NEBL: variants seen among roughly 807,000 people sequenced by gnomAD.
NEBL encodes nebulette, also known as LIM and SH3 protein 2.
A neutral mutation model predicts 140.2 loss-of-function variants in NEBL; 122 were observed. That is an observed-to-expected ratio of 0.87 (90% CI 0.75 to 1.01). The LOEUF is 1.01. Ranked by LOEUF, NEBL falls within the 50% of genes least tolerant of loss-of-function variation. The probability of loss-of-function intolerance (pLI) is 0.00; values close to 1 mark genes in which losing one functional copy is unlikely to be tolerated. For missense variants in NEBL, 1,365 were observed against 1,231.3 expected (o/e 1.11, Z -1.62); for synonymous variants, 436 against 398.9 (o/e 1.09, Z -1.11).
chr10:20,846,829 G>T (rs544608748), intron 11 of NEBL, among the ~76,000 whole-genome samples: 191 of 151,924 alleles, frequency 1.3e-3, no homozygotes, highest in African/African-American at 4.4e-3. Context: ...ACGACTAGAA[G>T]TAGCCAAAAT....
chr10:21,081,338 C>T (rs1412163209), intron 2 of NEBL, among the ~76,000 whole-genome samples: 2 of 152,078 alleles, frequency 1.3e-5, no homozygotes, highest in East Asian at 3.9e-4. Context: ...TCATGGGAAG[C>T]AGGGGAAAGG....
chr10:20,826,577 T>C (rs1839896293), intron 17 of NEBL, 38 bp from the exon 18 acceptor site: 1 of 1,498,292 alleles, frequency 6.7e-7, no homozygotes, highest in Non-Finnish European at 9.3e-7. Context: ...ACTAAGCTTG[T>C]CAGAATTCAA....
At chr10:21,036,472 A>T (rs1355345383) in intron 2 of NEBL, among the ~76,000 whole-genome samples, 1 of 152,168 alleles carries the variant, frequency 6.6e-6, no homozygotes, top group Non-Finnish European at 1.5e-5. Flanking sequence ...AACTTTAAAA[A>T]ATAAAGAATA....
chr10:20,812,947 A>C lies in NEBL; in HGVS notation c.2347-7T>G. 1 of 1,612,772 alleles carries C rather than the reference A, an allele frequency of 6.2e-7. No homozygotes were observed. Among genetic ancestry groups the C allele is most frequent in the East Asian group, 2.2e-5 (1 of 44,796 alleles). On this transcript the variant is annotated splice_polypyrimidine_tract_variant and splice_region_variant and intron_variant, in intron 23 of 27. Coordinates refer to ENST00000377122, the MANE Select transcript of NEBL (RefSeq NM_006393.3). ...AATCTTCATGGTATTTTACCTGAAA[A>C]AGGAAAAATCATCATACTGAATTTT...
At chr10:21,049,148 T>C (rs1048067721) in intron 2 of NEBL, among the ~76,000 whole-genome samples, 3 of 152,232 alleles carry the variant, frequency 2.0e-5, no homozygotes, top group Non-Finnish European at 2.9e-5. Context: ...GTACTAAAAG[T>C]GTACTGATTA....
At chr10:20,884,912 T>G (rs1846354111) in intron 4 of NEBL, among the ~76,000 whole-genome samples, 1 of 152,250 alleles carries the variant, frequency 6.6e-6, no homozygotes, top group Non-Finnish European at 1.5e-5. Flanking sequence ...TAACAGGGGA[T>G]AGCTAATAAA....
At chr10:20,816,276 A>G (rs1838713072) in intron 21 of NEBL, among the ~76,000 whole-genome samples, 1 of 152,216 alleles carries the variant, frequency 6.6e-6, no homozygotes, top group Non-Finnish European at 1.5e-5. Context: ...ATATTTAACC[A>G]CAAAAGGAAA....
chr10:21,137,626 C>T (rs1839416025), intron 2 of NEBL, among the ~76,000 whole-genome samples: 1 of 152,048 alleles, frequency 6.6e-6, no homozygotes, highest in South Asian at 2.1e-4. Context: ...GGTGGCACAA[C>T]CTAAGCTAAG....
chr10:21,285,228 T>C (rs1312050899), intron 1 of NEBL, among the ~76,000 whole-genome samples: 1 of 152,150 alleles, frequency 6.6e-6, no homozygotes, highest in Non-Finnish European at 1.5e-5. Flanking sequence ...TTGTAAGGCT[T>C]GTGAAAGAAA....
chr10:20,915,668 G>A (rs1389328501), intron 4 of NEBL, among the ~76,000 whole-genome samples: 2 of 151,770 alleles, frequency 1.3e-5, no homozygotes, highest in Non-Finnish European at 2.9e-5. Flanking sequence ...TTGGACATTT[G>A]GGTTGGTTCC....
intron 2 of NEBL, chr10:21,113,044 G>A: frequency 4.7e-6 from 1 of 214,866 alleles, no homozygotes; most frequent in Non-Finnish European, 9.0e-6. Flanking sequence ...AGGAGAGGGA[G>A]GGGGAGCAGG....
At chr10:20,840,705 A>G (rs1841331409) in intron 13 of NEBL, 34 bp downstream of exon 13, 1 of 1,375,502 alleles carries the variant, frequency 7.3e-7, no homozygotes, top group Non-Finnish European at 1.0e-6. Flanking sequence ...AGCTAAAAAC[A>G]TATTCATCTA....
chr10:21,056,463 G>T (rs542369858), intron 2 of NEBL, among the ~76,000 whole-genome samples: 40 of 152,324 alleles, frequency 2.6e-4, no homozygotes, highest in African/African-American at 9.4e-4. Flanking sequence ...AGTAGGAAAA[G>T]GTTTTGGAGA....
At chr10:21,046,196 A>G (rs1834506924) in intron 2 of NEBL, among the ~76,000 whole-genome samples, 1 of 152,214 alleles carries the variant, frequency 6.6e-6, no homozygotes, top group Admixed American at 6.5e-5. Flanking sequence ...CATAGAAACA[A>G]AGCAGAAAAT....
rs148407082 is a variant in NEBL, at chr10:21,231,983, A to G, written n.348+15938T>C. Among the ~76,000 whole-genome samples the G allele has an allele frequency of 2.6e-3, 401 of 152,274 alleles. 3 individuals carry two copies. Among genetic ancestry groups the G allele is most frequent in the African/African-American group, 9.0e-3 (373 of 41,560 alleles). On this transcript the variant is annotated intron_variant and non_coding_transcript_variant, in intron 3 of 8. Transcript: ENST00000675702. ...ACAACTGATCAGCATTAGTGTTAAA[A>G]TAGGGATCATAAAACCAAAAAATGC...
chr10:21,137,962 G>A lies in NEBL; in HGVS notation c.164+34421C>T, dbSNP rs138936148. ...GAAAGGGAAGGGAAGGGAAGGGAAG[G>A]GAATGGAAAGGAAGAAAGGAAGGAA... On this transcript the variant is annotated intron_variant, in intron 2 of 6. Coordinates refer to the NEBL transcript ENST00000417816. Among the ~76,000 whole-genome samples, 573 of 149,974 alleles carry A rather than the reference G, an allele frequency of 3.8e-3. 12 individuals are homozygous for A. The East Asian group carries it at 0.054, about 14-fold the overall frequency.
intron 26 of NEBL, among the ~76,000 whole-genome samples, chr10:20,792,002 G>A (rs1259266704): frequency 6.6e-6 from 1 of 151,558 alleles, no homozygotes; most frequent in Non-Finnish European, 1.5e-5. Context: ...CAGGAAGGCA[G>A]CAAAAAAATT....
At chr10:21,068,179 G>A (rs1835654536) in intron 2 of NEBL, among the ~76,000 whole-genome samples, 1 of 152,118 alleles carries the variant, frequency 6.6e-6, no homozygotes, top group South Asian at 2.1e-4. Flanking sequence ...TAATTACATG[G>A]TTTTAGTCAA....
chr10:21,119,675 C>T (rs556757018), intron 2 of NEBL, among the ~76,000 whole-genome samples: 3 of 151,856 alleles, frequency 2.0e-5, no homozygotes, highest in African/African-American at 7.2e-5. Flanking sequence ...CATGAATCTC[C>T]CAAAAACAAA....
Sources: allele counts gnomAD v4.1 joint callset (sites outside exome capture counted in the v4.1 genomes callset), GRCh38; gene constraint gnomAD v4.1.1; transcripts MANE v1.5; gene names NCBI Gene and HGNC (gene_info 2026-07-23, HGNC 2026-07-21).